CDH18: variants seen among roughly 807,000 people sequenced by gnomAD.
CDH18 encodes cadherin 18, also known as cadherin-18.
CDH18 carries 31 observed loss-of-function variants against 67.9 expected under a neutral mutation model. That is an observed-to-expected ratio of 0.46 (90% confidence interval 0.34 to 0.62). CDH18 has a LOEUF of 0.62. Among genes scored for constraint, CDH18 ranks in the 20% least tolerant of loss-of-function variants. The pLI, the probability that CDH18 is intolerant of heterozygous loss-of-function variation, is 0.01. For missense variants in CDH18, 890 were observed against 975.5 expected, an observed-to-expected ratio of 0.91 and a Z score of 1.17; for synonymous variants, 362 against 347.2, an observed-to-expected ratio of 1.04 and a Z score of -0.48.
chr5:19,536,314 T>C (rs1749417621), intron 9 of CDH18, among the ~76,000 whole-genome samples: 2 of 152,178 alleles, frequency 1.3e-5, no homozygotes, highest in Admixed American at 6.6e-5. Flanking sequence ...GTTGTGACAT[T>C]TGAAACAGTT....
At chr5:20,111,534 CCTT>C in intron 2 of CDH18, among the ~76,000 whole-genome samples, 2 of 125,626 alleles carry the variant, frequency 1.6e-5, no homozygotes, top group South Asian at 3.0e-4. Context: ...TCCCTTCCTT[CCTT>C]CCTTCTTTCT....
At chr5:19,643,276 G>T (rs1346652957) in intron 5 of CDH18, among the ~76,000 whole-genome samples, 1 of 152,042 alleles carries the variant, frequency 6.6e-6, no homozygotes, top group African/African-American at 2.4e-5. Flanking sequence ...ACAATATGAA[G>T]GTTTCTCAGA....
chr5:19,816,421 T>C (rs1453852153), intron 3 of CDH18, among the ~76,000 whole-genome samples: 1 of 151,914 alleles, frequency 6.6e-6, no homozygotes. Flanking sequence ...GACTTAGCAC[T>C]TGAAATTTAT....
At chr5:19,848,173 C>T (rs1783213460) in intron 2 of CDH18, 1 of 152,146 alleles carries the variant, frequency 6.6e-6, no homozygotes, top group Non-Finnish European at 1.5e-5. Context: ...TTCTCATGAG[C>T]CATTAGGCAT....
chr5:19,597,370 A>G (rs1746343120), intron 6 of CDH18, among the ~76,000 whole-genome samples: 1 of 152,208 alleles, frequency 6.6e-6, no homozygotes, highest in African/African-American at 2.4e-5. Context: ...TAATATGCCA[A>G]TTGGAATGCT....
At chr5:19,850,739 G>T (rs1467405393) in intron 2 of CDH18, among the ~76,000 whole-genome samples, 13 of 151,766 alleles carry the variant, frequency 8.6e-5, no homozygotes, top group African/African-American at 2.9e-4. Flanking sequence ...ATTGTTTAAG[G>T]TGTTACTAAA....
intron 5 of CDH18, among the ~76,000 whole-genome samples, chr5:19,614,317 G>A (rs911618362): frequency 2.0e-5 from 3 of 150,930 alleles, no homozygotes; most frequent in Non-Finnish European, 3.0e-5. Flanking sequence ...ATATAATTGA[G>A]GGAATTCAGA....
intron 2 of CDH18, among the ~76,000 whole-genome samples, chr5:20,080,762 G>A (rs761329459): frequency 2.0e-5 from 3 of 151,928 alleles, no homozygotes; most frequent in Admixed American, 1.3e-4. Flanking sequence ...TGTAAATGAA[G>A]AATTAAAGAA....
chr5:20,050,958 T>A (rs1179271338), intron 2 of CDH18, among the ~76,000 whole-genome samples: 1 of 151,828 alleles, frequency 6.6e-6, no homozygotes, highest in Non-Finnish European at 1.5e-5. Flanking sequence ...TTTACAGTGA[T>A]CTACATAATT....
chr5:20,008,233 T>TA (rs1247808289), intron 2 of CDH18, among the ~76,000 whole-genome samples: 5 of 152,074 alleles, frequency 3.3e-5, no homozygotes, highest in African/African-American at 9.6e-5. Flanking sequence ...TTTGAGAATA[T>TA]AAAAAAAACA....
rs147588936 is a variant in CDH18, at chr5:19,743,869, C to T, written c.523+3073G>A. Among the ~76,000 whole-genome samples the T allele has an allele frequency of 8.9e-3, 1,178 of 132,796 alleles. 17 individuals are homozygous for T. Among genetic ancestry groups the T allele is most frequent in the African/African-American group, 0.031 (1,109 of 35,344 alleles). 87.1% of individuals were successfully genotyped at this position (132,796 alleles called of 152,430 possible). Reference sequence around the variant, plus strand: ...CTGGGAGGCAGAGGTTGAAGTGAGCCGAGATCATGCCACTGCACTCCAGCC... The same window carrying T: ...CTGGGAGGCAGAGGTTGAAGTGAGCTGAGATCATGCCACTGCACTCCAGCC... On this transcript the variant is annotated intron_variant, in intron 4 of 12. Coordinates refer to ENST00000382275, the MANE Select transcript of CDH18 (RefSeq NM_004934.5).
At chr5:20,398,044 C>G (rs1251967752) in intron 1 of CDH18, among the ~76,000 whole-genome samples, 1 of 152,160 alleles carries the variant, frequency 6.6e-6, no homozygotes, top group Admixed American at 6.6e-5. Context: ...TCAATTGACT[C>G]ATGTGCTTAT....
At position 20,467,954 on chromosome 5, in the gene CDH18, GTTA is replaced by G. The variant is rs1163282950; in HGVS notation, c.-580+107505_-580+107507del. ...TTCTTTACTTACTTTTTATTCCTTT[GTTA>G]TTATTATTCTATTTACTTACTTTTT... is the stretch of plus-strand genomic sequence containing the variant. On this transcript the variant is annotated intron_variant, in intron 1 of 14. Transcript: ENST00000507958. 9.9e-5 allele frequency among the ~76,000 whole-genome samples: 15 copies of G among 151,316 alleles called. No homozygotes were observed. In the South Asian group the frequency reaches 2.3e-3, roughly 23 times the overall value.
intron 2 of CDH18, among the ~76,000 whole-genome samples, chr5:19,862,794 C>T (rs1271039228): frequency 1.3e-5 from 2 of 152,172 alleles, no homozygotes; most frequent in Non-Finnish European, 2.9e-5. Context: ...CACAAACTGG[C>T]TCCAGCCAGT....
At chr5:20,451,175 A>G (rs1328589085) in intron 1 of CDH18, among the ~76,000 whole-genome samples, 1 of 152,170 alleles carries the variant, frequency 6.6e-6, no homozygotes, top group Non-Finnish European at 1.5e-5. Context: ...TACTCTGTAA[A>G]TTACTTGAGA....
intron 2 of CDH18, among the ~76,000 whole-genome samples, chr5:20,102,735 A>G (rs188157703): frequency 6.2e-4 from 94 of 152,266 alleles, no homozygotes; most frequent in Non-Finnish European, 1.1e-3. Flanking sequence ...AAAGAAATAG[A>G]GACAGAAGGA....
chr5:19,528,042 G>C (rs1250478238), intron 9 of CDH18, among the ~76,000 whole-genome samples: 1 of 151,780 alleles, frequency 6.6e-6, no homozygotes, highest in Non-Finnish European at 1.5e-5. Context: ...ATTACATTGA[G>C]AGAATGTAAG....
At chr5:20,490,625 G>T (rs143748342) in intron 1 of CDH18, among the ~76,000 whole-genome samples, 1 of 152,126 alleles carries the variant, frequency 6.6e-6, no homozygotes, top group African/African-American at 2.4e-5. Context: ...TTCAAGAGGA[G>T]GGTAAGTAAG....
At chr5:19,909,300 C>T (rs895151578) in intron 2 of CDH18, among the ~76,000 whole-genome samples, 9 of 130,416 alleles carry the variant, frequency 6.9e-5, no homozygotes, top group Admixed American at 2.3e-4. Flanking sequence ...GTTTCCTTCA[C>T]TTTTTTTTTT....
Sources: allele counts gnomAD v4.1 joint callset (sites outside exome capture counted in the v4.1 genomes callset), GRCh38; gene constraint gnomAD v4.1.1; transcripts MANE v1.5; gene names NCBI Gene and HGNC (gene_info 2026-07-23, HGNC 2026-07-21).